Variants in LOC128706666 observed in about 807,000 individuals in gnomAD.
the LOC128706666 span, chr20:10,431,784 C>T: frequency 9.2e-5 from 14 of 152,188 alleles, no homozygotes; most frequent in African/African-American, 3.4e-4. Context: ...TGCTATATTC[C>T]TAGTGCGTAG....
At chr20:10,427,055 C>G in the LOC128706666 span, among the ~76,000 whole-genome samples, 4 of 148,898 alleles carry the variant, frequency 2.7e-5, no homozygotes, top group East Asian at 7.7e-4. Context: ...CACACACACA[C>G]ACACACACAC....
At chr20:10,433,786 G>C in the LOC128706666 span, among the ~76,000 whole-genome samples, 1 of 152,168 alleles carries the variant, frequency 6.6e-6, no homozygotes, top group African/African-American at 2.4e-5. Flanking sequence ...GGGACGGGGA[G>C]TCACAGGTTC....
the LOC128706666 span, among the ~76,000 whole-genome samples, chr20:10,420,157 A>C: frequency 6.6e-6 from 1 of 152,172 alleles, no homozygotes; most frequent in African/African-American, 2.4e-5. Context: ...AAATGAATAC[A>C]ATTAGTTTTG....
the LOC128706666 span, chr20:10,431,790 C>G: frequency 6.6e-6 from 1 of 152,170 alleles, no homozygotes; most frequent in Non-Finnish European, 1.5e-5. Flanking sequence ...ATTCCTAGTG[C>G]GTAGCAGAAA....
the LOC128706666 span, among the ~76,000 whole-genome samples, chr20:10,421,157 T>G: frequency 6.6e-6 from 1 of 152,020 alleles, no homozygotes; most frequent in African/African-American, 2.4e-5. Flanking sequence ...AGGCTGAGGG[T>G]GGTGGCTCAC....
the LOC128706666 span, among the ~76,000 whole-genome samples, chr20:10,431,363 C>T: frequency 1.3e-5 from 2 of 152,202 alleles, no homozygotes; most frequent in Non-Finnish European, 2.9e-5. Flanking sequence ...TTAATTCTAT[C>T]CAAATGCTCA....
the LOC128706666 span, among the ~76,000 whole-genome samples, chr20:10,430,268 C>CT: frequency 6.6e-6 from 1 of 152,178 alleles, no homozygotes; most frequent in Non-Finnish European, 1.5e-5. Context: ...CTCATACCAC[C>CT]TGGCTTTGAA....
chr20:10,423,553 GTGT>G, the LOC128706666 span, among the ~76,000 whole-genome samples: 1 of 152,320 alleles, frequency 6.6e-6, no homozygotes, highest in Admixed American at 6.5e-5. Context: ...GTTTGGGGAA[GTGT>G]TGTACTATTC....
the LOC128706666 span, among the ~76,000 whole-genome samples, chr20:10,426,952 G>A: frequency 1.3e-5 from 2 of 151,698 alleles, no homozygotes; most frequent in Admixed American, 1.3e-4. Context: ...AGAAGAGGGA[G>A]AACTTGCTAT....
the LOC128706666 span, among the ~76,000 whole-genome samples, chr20:10,433,465 C>T: frequency 1.3e-5 from 2 of 152,136 alleles, no homozygotes; most frequent in Non-Finnish European, 2.9e-5. Flanking sequence ...GCTGTAGACA[C>T]GTGTATATCT....
the LOC128706666 span, among the ~76,000 whole-genome samples, chr20:10,429,253 T>C: frequency 1.4e-4 from 22 of 152,214 alleles, no homozygotes; most frequent in Non-Finnish European, 2.9e-4. Context: ...CTGTAGCCTT[T>C]TGATGTGTTC....
chr20:10,418,805 T>C, the LOC128706666 span, among the ~76,000 whole-genome samples: 1 of 152,138 alleles, frequency 6.6e-6, no homozygotes, highest in Non-Finnish European at 1.5e-5. Context: ...ACAATATACA[T>C]ACATAATATA....
chr20:10,419,924 G>A, the LOC128706666 span, among the ~76,000 whole-genome samples: 31 of 152,314 alleles, frequency 2.0e-4, no homozygotes, highest in East Asian at 5.2e-3. Context: ...AAGCCAAACT[G>A]CGGATAAAGG....
the LOC128706666 span, among the ~76,000 whole-genome samples, chr20:10,414,544 C>T: frequency 2.6e-5 from 4 of 152,084 alleles, no homozygotes; most frequent in African/African-American, 9.7e-5. Flanking sequence ...GGATTACAAG[C>T]GTGAGCCACT....
chr20:10,423,210 G>A, the LOC128706666 span, among the ~76,000 whole-genome samples: 1 of 152,108 alleles, frequency 6.6e-6, no homozygotes, highest in Non-Finnish European at 1.5e-5. Context: ...AGCCTGAGGT[G>A]GGCGGATCAC....
At chr20:10,427,081 A>AG in the LOC128706666 span, among the ~76,000 whole-genome samples, 1 of 85,700 alleles carries the variant, frequency 1.2e-5, no homozygotes, top group Admixed American at 1.1e-4. Flanking sequence ...CACACACACA[A>AG]AGTAAGGTTA....
At chr20:10,429,489 C>T in the LOC128706666 span, among the ~76,000 whole-genome samples, 1 of 152,186 alleles carries the variant, frequency 6.6e-6, no homozygotes, top group African/African-American at 2.4e-5. Flanking sequence ...CTACTGTACA[C>T]CTTTGAACTA....
At chr20:10,426,251 A>G in the LOC128706666 span, among the ~76,000 whole-genome samples, 1 of 152,214 alleles carries the variant, frequency 6.6e-6, no homozygotes, top group Non-Finnish European at 1.5e-5. Flanking sequence ...CTACTAAGCA[A>G]TTCTTCAAGT....
chr20:10,417,577 T>C, the LOC128706666 span, among the ~76,000 whole-genome samples: 1 of 152,118 alleles, frequency 6.6e-6, no homozygotes, highest in Non-Finnish European at 1.5e-5. Flanking sequence ...GTTACTGCAC[T>C]GTAGCCTGGG....
Sources: gnomAD v4.1 joint callset for allele counts (sites outside exome capture counted in the v4.1 genomes callset) on GRCh38, gnomAD v4.1.1 for gene constraint, MANE v1.5 for transcripts.